The following DNM3 variants were observed in gnomAD, a reference collection of about 807,000 sequenced individuals.
DNM3 encodes the protein dynamin-3.
Under a neutral mutation model 101.6 loss-of-function variants are expected in DNM3, and 47 were observed. The ratio of observed to expected loss-of-function variants is 0.46; its 90% CI spans 0.37 to 0.59. The LOEUF (loss-of-function observed/expected upper bound fraction) is 0.59, where lower values mean the gene tolerates loss of function less well. DNM3 is among the 20% of genes least tolerant of loss of function. The pLI, the probability that DNM3 is intolerant of heterozygous loss-of-function variation, is 0.00. For synonymous variants in DNM3, 385 were observed against 387.9 expected, an observed-to-expected ratio of 0.99 and a Z score of 0.09; for missense variants, 849 against 1,085.7, an observed-to-expected ratio of 0.78 and a Z score of 3.06.
chr1:172,035,888 G>C (rs1394362192), intron 6 of DNM3, among the ~76,000 whole-genome samples: 1 of 152,102 alleles, frequency 6.6e-6, no homozygotes, highest in South Asian at 2.1e-4. Flanking sequence ...AATAACTCTA[G>C]ATTTATTTAA....
intron 14 of DNM3, among the ~76,000 whole-genome samples, chr1:172,195,053 C>T (rs1323537342): frequency 6.6e-6 from 1 of 151,886 alleles, no homozygotes; most frequent in Non-Finnish European, 1.5e-5. Flanking sequence ...GTAAGGCAGG[C>T]CTGTTGGTGA....
At chr1:171,937,451 TA>T (rs1182860322) in intron 2 of DNM3, among the ~76,000 whole-genome samples, 8 of 152,228 alleles carry the variant, frequency 5.3e-5, no homozygotes, top group African/African-American at 1.9e-4. Context: ...TTGTTATTCT[TA>T]AATTTTAATG....
In DNM3 at chr1:172,042,026, C is replaced by T; in HGVS notation, c.1010C>T (p.Ala337Val). The change falls in exon 8 of 21, where the codon GCT (alanine) becomes GTT (valine). Residue 337 changes from alanine (A) to valine (V), a missense_variant. By Grantham distance (64) the Ala-to-Val change is moderately conservative (BLOSUM62 0). Coordinates refer to ENST00000627582, the MANE Select transcript of DNM3 (RefSeq NM_015569.5). ...AATTACAGGATGGTTCAGCAATTTG[C>T]TGTGGACTTTGAGAAGAGAATTGAA... is the stretch of plus-strand genomic sequence containing the variant. ...KALLQMVQQF[A>V]VDFEKRIEGS... 1 of 1,597,840 alleles carries T rather than the reference C, an allele frequency of 6.3e-7. No individual in the cohort carries two copies. Among genetic ancestry groups the T allele is most frequent in the Non-Finnish European group, 8.5e-7 (1 of 1,175,400 alleles).
At chr1:171,934,607 T>C (rs2041269537) in intron 2 of DNM3, among the ~76,000 whole-genome samples, 1 of 152,216 alleles carries the variant, frequency 6.6e-6, no homozygotes, top group Non-Finnish European at 1.5e-5. Flanking sequence ...ACAAAGTGTA[T>C]GTCTTTGACT....
At chr1:171,875,935 C>T (rs900474879) in intron 1 of DNM3, among the ~76,000 whole-genome samples, 6 of 150,916 alleles carry the variant, frequency 4.0e-5, no homozygotes, top group Admixed American at 1.3e-4. Flanking sequence ...CTCAGCCTCC[C>T]AAGTAACTGG....
At chr1:172,232,215 CAA>C (rs1248457492) in intron 14 of DNM3, among the ~76,000 whole-genome samples, 2 of 151,398 alleles carry the variant, frequency 1.3e-5, no homozygotes, top group Non-Finnish European at 2.9e-5. Flanking sequence ...AAATGGAAAA[CAA>C]AAAAAGGCAG....
At chr1:172,081,788 T>A in intron 11 of DNM3, 44 bp from the exon 12 acceptor site, 2 of 1,529,922 alleles carry the variant, frequency 1.3e-6, no homozygotes, top group Non-Finnish European at 1.8e-6. Flanking sequence ...TGTTTGAGAA[T>A]TTTTAGATGG....
chr1:172,029,192 A>G (rs978153827), intron 4 of DNM3, among the ~76,000 whole-genome samples: 2 of 152,230 alleles, frequency 1.3e-5, no homozygotes, highest in Non-Finnish European at 2.9e-5. Context: ...ACAGCAGCAC[A>G]TCAAACAGCT....
In DNM3 at chr1:172,408,315, T is replaced by C. The variant is rs2071033598; in HGVS notation, c.*474T>C. ...ACTACCTACTCCATAATTGCCTATT[T>C]AGCTCCTCTTTTCTTCCTTTTTATT... On this transcript the variant is annotated 3_prime_UTR_variant, in exon 21 of 21. Coordinates refer to ENST00000627582, the MANE Select transcript of DNM3 (RefSeq NM_015569.5). 2 of 986,504 alleles carry C rather than the reference T, an allele frequency of 2.0e-6. No homozygotes were observed. Among genetic ancestry groups the C allele is most frequent in the African/African-American group, 3.5e-5 (2 of 57,232 alleles). 61.1% of individuals were successfully genotyped at this position (986,504 alleles called of 1,614,324 possible).
At chr1:172,320,242 G>T (rs1306708500) in intron 16 of DNM3, among the ~76,000 whole-genome samples, 3 of 149,448 alleles carry the variant, frequency 2.0e-5, no homozygotes, top group Admixed American at 6.6e-5. Context: ...TGGGGTGGGG[G>T]GATGGGGGAG....
chr1:172,270,590 A>G (rs2063045996), intron 15 of DNM3, among the ~76,000 whole-genome samples: 1 of 152,144 alleles, frequency 6.6e-6, no homozygotes, highest in Non-Finnish European at 1.5e-5. Context: ...ATTCAAAGGG[A>G]AACTATTTAC....
intron 1 of DNM3, among the ~76,000 whole-genome samples, chr1:171,845,095 A>T (rs2031859737): frequency 6.6e-6 from 1 of 152,226 alleles, no homozygotes. Flanking sequence ...TTAATTTAAT[A>T]TAAAAACAGT....
Position 172,361,208 on chromosome 1 carries a change from A to T in DNM3, c.1894-17810A>T, listed in dbSNP as rs116603935. ...CAGTAAGGCTTATGTGGGAGGGGCA[A>T]CTTTCTTTTTAAAGTAGAGACTAGA... is the stretch of plus-strand genomic sequence containing the variant. On this transcript the variant is annotated intron_variant, in intron 17 of 20. Coordinates refer to ENST00000627582, the MANE Select transcript of DNM3 (RefSeq NM_015569.5). Among the ~76,000 whole-genome samples the T allele has an allele frequency of 8.6e-3, 1,306 of 152,042 alleles. 24 individuals are homozygous for T. The highest frequency in any genetic ancestry group is 0.03 in the African/African-American group (1,232 of 41,510).
intron 16 of DNM3, among the ~76,000 whole-genome samples, chr1:172,322,037 A>G (rs2065741582): frequency 6.6e-6 from 1 of 152,144 alleles, no homozygotes; most frequent in Non-Finnish European, 1.5e-5. Flanking sequence ...ACTTCTCTTC[A>G]CTATTTTATC....
chr1:172,299,659 T>G (rs2064342124), intron 15 of DNM3, among the ~76,000 whole-genome samples: 2 of 152,192 alleles, frequency 1.3e-5, no homozygotes, highest in African/African-American at 4.8e-5. Context: ...TGTGCATTAA[T>G]ATTATTAGGA....
intron 14 of DNM3, among the ~76,000 whole-genome samples, chr1:172,222,915 A>G (rs1172801028): frequency 6.6e-6 from 1 of 152,000 alleles, no homozygotes; most frequent in Non-Finnish European, 1.5e-5. Flanking sequence ...CTCTATTATC[A>G]GTTTCTTTTT....
chr1:172,080,785 A>T (rs2053078356), intron 11 of DNM3, among the ~76,000 whole-genome samples: 1 of 152,182 alleles, frequency 6.6e-6, no homozygotes, highest in Non-Finnish European at 1.5e-5. Flanking sequence ...CCTGGTCTGC[A>T]GGTTGCGAAG....
chr1:171,847,884 CTCTCTCTCTCTCTGTG>C (rs1417756617), intron 1 of DNM3, among the ~76,000 whole-genome samples: 2 of 42,468 alleles, frequency 4.7e-5, no homozygotes, highest in Admixed American at 5.0e-4. Flanking sequence ...TAATTACTCT[CTCTCTCTCTCTCTGTG>C]TGTGTGTGTG....
At chr1:172,318,777 G>A (rs1367523393) in intron 16 of DNM3, among the ~76,000 whole-genome samples, 4 of 152,050 alleles carry the variant, frequency 2.6e-5, no homozygotes, top group Non-Finnish European at 5.9e-5. Context: ...GCTCATGGGT[G>A]GGAAGAATCA....
Sources: gnomAD v4.1 joint callset for allele counts (sites outside exome capture counted in the v4.1 genomes callset) on GRCh38, gnomAD v4.1.1 for gene constraint, MANE v1.5 for transcripts, NCBI Gene and HGNC (gene_info 2026-07-23, HGNC 2026-07-21) for gene names.